Variants in C1orf87 observed in about 807,000 individuals in gnomAD.
C1orf87 encodes uncharacterized protein C1orf87.
C1orf87 carries 58 observed loss-of-function variants against 60.5 expected under a neutral mutation model. That is an observed-to-expected ratio of 0.96 (90% CI 0.78 to 1.19). C1orf87 has a LOEUF of 1.19. Ranked by LOEUF, C1orf87 falls within the 50% of genes most tolerant of loss-of-function variation. The probability of loss-of-function intolerance (pLI) is 0.00; values close to 1 mark genes in which losing one functional copy is unlikely to be tolerated. For synonymous variants in C1orf87, 236 were observed against 227.4 expected, an observed-to-expected ratio of 1.04 and a Z score of -0.34; for missense variants, 673 against 638.6, an observed-to-expected ratio of 1.05 and a Z score of -0.58.
At chr1:60,022,068 G>T (rs1645167209) in intron 8 of C1orf87, among the ~76,000 whole-genome samples, 1 of 151,604 alleles carries the variant, frequency 6.6e-6, no homozygotes, top group South Asian at 2.1e-4. Flanking sequence ...ATTTTAGATG[G>T]AGCCAAAGTG....
chr1:60,062,358 C>T (rs1456806190), intron 2 of C1orf87, among the ~76,000 whole-genome samples: 1 of 152,156 alleles, frequency 6.6e-6, no homozygotes, highest in Non-Finnish European at 1.5e-5. Context: ...AATCATTATA[C>T]CCATCCATAA....
At chr1:60,033,859 T>C (rs1425020965) in intron 6 of C1orf87, among the ~76,000 whole-genome samples, 3 of 152,166 alleles carry the variant, frequency 2.0e-5, no homozygotes, top group Non-Finnish European at 4.4e-5. Context: ...CTACCTAATC[T>C]CTTTTCCAAG....
intron 9 of C1orf87, 134 bp downstream of exon 9, chr1:60,010,258 C>A: frequency 1.2e-6 from 1 of 803,932 alleles, no homozygotes; most frequent in South Asian, 1.7e-5. Context: ...TTTTCCTTCA[C>A]TGGGGAGCTA....
chr1:60,064,639 T>A (rs1238095333), intron 2 of C1orf87, among the ~76,000 whole-genome samples: 3 of 111,230 alleles, frequency 2.7e-5, no homozygotes, highest in Non-Finnish European at 5.1e-5. Flanking sequence ...TAAATATATA[T>A]GATATATTTT....
intron 7 of C1orf87, among the ~76,000 whole-genome samples, chr1:60,032,370 C>T (rs545577581): frequency 2.6e-5 from 4 of 151,410 alleles, no homozygotes; most frequent in African/African-American, 9.7e-5. Context: ...ACTTTGAATC[C>T]TGGCCTTGCC....
chr1:60,005,913 T>C (rs944344618), intron 9 of C1orf87, among the ~76,000 whole-genome samples: 2 of 151,510 alleles, frequency 1.3e-5, no homozygotes, highest in Non-Finnish European at 2.9e-5. Flanking sequence ...CCCAGTGCAC[T>C]ATGGTTTGGT....
Position 60,040,025 on chromosome 1 carries a change from A to T in C1orf87, c.639T>A (p.Leu213=), listed in dbSNP as rs778958774. 6.2e-7 allele frequency: 1 copy of T among 1,614,206 alleles called. No homozygotes were observed. The highest frequency in any genetic ancestry group is 8.5e-7 in the Non-Finnish European group (1 of 1,180,042). ...AGAGGCGGCTCAGCTGAGATTGGAG[A>T]AGAAATCCTGAAGAGATTGGGTCCA... The part of the protein sequence containing the change: ...KILDPISSGF[L]LQSQLSRLFL... Residue 213 remains leucine, a synonymous_variant, in exon 5 of 12, where the codon CTT becomes CTA. Coordinates refer to ENST00000371201, the MANE Select transcript of C1orf87 (RefSeq NM_152377.3).
intron 1 of C1orf87, 84 bp from the exon 2 acceptor site, chr1:60,072,754 T>C (rs1488111265): frequency 4.4e-6 from 3 of 676,272 alleles, no homozygotes; most frequent in Non-Finnish European, 7.6e-6. Context: ...CAAGCAATAA[T>C]AATAGCAGGA....
intron 2 of C1orf87, 81 bp downstream of exon 2, chr1:60,072,456 T>G: frequency 3.5e-6 from 4 of 1,155,892 alleles, no homozygotes; most frequent in Non-Finnish European, 4.9e-6. Context: ...ATTTTTTAAG[T>G]TTAAATTTCT....
At chr1:60,046,265 T>C (rs1223207227) in intron 3 of C1orf87, among the ~76,000 whole-genome samples, 5 of 140,328 alleles carry the variant, frequency 3.6e-5, no homozygotes, top group African/African-American at 1.3e-4. Flanking sequence ...CCTTTCTTTC[T>C]TTCTCTTTCT....
At chr1:60,039,324 G>A (rs17120034) in intron 5 of C1orf87, among the ~76,000 whole-genome samples, 15,959 of 152,134 alleles carry the variant, frequency 0.1, 857 homozygotes, top group Middle Eastern at 0.17. Context: ...TGAATTTAGT[G>A]ACACTTGGAC....
intron 9 of C1orf87, among the ~76,000 whole-genome samples, chr1:60,004,927 A>C (rs1401293360): frequency 6.6e-6 from 1 of 151,848 alleles, no homozygotes; most frequent in Non-Finnish European, 1.5e-5. Context: ...CCACCTGGGC[A>C]GCTTTAAAAA....
intron 2 of C1orf87, among the ~76,000 whole-genome samples, chr1:60,056,399 A>C (rs763216320): frequency 3.9e-5 from 6 of 152,182 alleles, no homozygotes; most frequent in Non-Finnish European, 7.4e-5. Flanking sequence ...ATGTTAAAGC[A>C]TGTGTATTAA....
At chr1:60,056,836 A>G (rs1645460486) in intron 2 of C1orf87, among the ~76,000 whole-genome samples, 1 of 152,228 alleles carries the variant, frequency 6.6e-6, no homozygotes. Flanking sequence ...TATAAATTCT[A>G]GCTGTTATTT....
intron 9 of C1orf87, chr1:60,008,951 C>T (rs1645064750): frequency 4.2e-6 from 1 of 236,960 alleles, no homozygotes; most frequent in South Asian, 4.5e-5. Context: ...TAGTAATACC[C>T]CTTCCTCTAT....
chr1:60,032,742 T>A (rs1297123130), intron 7 of C1orf87, among the ~76,000 whole-genome samples: 1 of 152,052 alleles, frequency 6.6e-6, no homozygotes, highest in Admixed American at 6.6e-5. Flanking sequence ...CTGGCGAGAC[T>A]CAGTTTTAAA....
intron 8 of C1orf87, among the ~76,000 whole-genome samples, chr1:60,022,531 G>C (rs1645170938): frequency 6.6e-6 from 1 of 152,076 alleles, no homozygotes; most frequent in African/African-American, 2.4e-5. Context: ...ACCCATCGTG[G>C]ATGCCTGAAA....
At chr1:60,053,119 C>T (rs76965607) in intron 3 of C1orf87, among the ~76,000 whole-genome samples, 254 of 152,330 alleles carry the variant, frequency 1.7e-3, no homozygotes, top group African/African-American at 5.8e-3. Flanking sequence ...ATGGCGAATG[C>T]AGAGTCCATG....
intron 2 of C1orf87, among the ~76,000 whole-genome samples, chr1:60,060,765 A>T (rs143303677): frequency 6.1e-4 from 92 of 151,456 alleles, no homozygotes; most frequent in Admixed American, 1.1e-3. Flanking sequence ...AATTGTGATT[A>T]AAAAAAAACA....
Sources: gnomAD v4.1 joint callset for allele counts (sites outside exome capture counted in the v4.1 genomes callset) on GRCh38, gnomAD v4.1.1 for gene constraint, MANE v1.5 for transcripts, NCBI Gene and HGNC (gene_info 2026-07-23, HGNC 2026-07-21) for gene names.